The following C3orf22 variants were observed in gnomAD, a reference collection of about 807,000 sequenced individuals.
C3orf22 encodes the protein chromosome 3 open reading frame 22.
In C3orf22, 7 loss-of-function variants were observed where a neutral mutation model predicts 10.8. The observed-to-expected ratio is 0.65, with a 90% confidence interval of 0.37 to 1.22. The LOEUF is 1.22. Ranked by LOEUF, C3orf22 falls within the 50% of genes most tolerant of loss-of-function variation. The probability of loss-of-function intolerance (pLI) is 0.02; values close to 1 mark genes in which losing one functional copy is unlikely to be tolerated. For synonymous variants in C3orf22, 79 were observed against 78.9 expected, an observed-to-expected ratio of 1.00 and a Z score of 0.00; for missense variants, 173 against 177.0, an observed-to-expected ratio of 0.98 and a Z score of 0.13.
downstream of C3orf22, among the ~76,000 whole-genome samples, chr3:126,548,929 G>A (rs970065848): frequency 6.6e-6 from 1 of 152,194 alleles, no homozygotes; most frequent in African/African-American, 2.4e-5. Flanking sequence ...GGAGAAGGCT[G>A]CAAAGTGTCC....
intron 5 of C3orf22, among the ~76,000 whole-genome samples, chr3:126,528,125 A>C (rs1328278392): frequency 6.6e-6 from 1 of 151,398 alleles, no homozygotes; most frequent in African/African-American, 2.4e-5. Context: ...TGGGGTGTGA[A>C]TGGATGTGCT....
At chr3:126,536,619 A>G (rs1576231696) in intron 4 of C3orf22, among the ~76,000 whole-genome samples, 2 of 152,180 alleles carry the variant, frequency 1.3e-5, no homozygotes, top group South Asian at 2.1e-4. Flanking sequence ...GATAAAAAAG[A>G]GTCAAAACAG....
At chr3:126,540,540 C>T (rs151288103) in intron 4 of C3orf22, among the ~76,000 whole-genome samples, 1 of 152,338 alleles carries the variant, frequency 6.6e-6, no homozygotes, top group Non-Finnish European at 1.5e-5. Context: ...TCCAGGTCAG[C>T]CCATGTGGCA....
chr3:126,527,739 TG>T (rs1206802158), exon 6 of C3orf22: 2 of 152,130 alleles, frequency 1.3e-5, no homozygotes, highest in African/African-American at 4.8e-5. Context: ...GGAGCCAAAT[TG>T]GTAGATGCTC....
rs1475978031 is a variant in C3orf22 at position 126,542,427 on chromosome 3, C to A, written c.286+7110G>T. On this transcript the variant is annotated intron_variant and NMD_transcript_variant, in intron 4 of 5. Transcript: ENST00000505070. ...TCCGACCTGAGCTTCCCTGGGCCGC[C>A]GCGGCCCCGGGGAGCCGCCGCCTCC... 55 of 1,554,228 alleles carry A rather than the reference C, an allele frequency of 3.5e-5. 1 individual carries two copies. The highest frequency in any genetic ancestry group is 4.7e-5 in the Non-Finnish European group (54 of 1,152,564).
chr3:126,542,606 G>C (rs1936992286), intron 4 of C3orf22: 2 of 1,445,786 alleles, frequency 1.4e-6, no homozygotes, highest in South Asian at 3.0e-5. Flanking sequence ...TGGCCACGCG[G>C]GGCAAGTGCC....
intron 3 of C3orf22, among the ~76,000 whole-genome samples, chr3:126,551,319 G>A (rs1937180833): frequency 6.6e-6 from 1 of 152,226 alleles, no homozygotes; most frequent in South Asian, 2.1e-4. Context: ...GCATTCAGGA[G>A]GCTAGGGGTC....
intron 4 of C3orf22, among the ~76,000 whole-genome samples, chr3:126,537,154 C>T (rs766342056): frequency 6.6e-5 from 10 of 152,140 alleles, no homozygotes; most frequent in Non-Finnish European, 1.5e-4. Context: ...CTGAGAGGAT[C>T]CTAGTTTAGA....
At chr3:126,543,864 T>C (rs528079707) in intron 4 of C3orf22, among the ~76,000 whole-genome samples, 8 of 152,260 alleles carry the variant, frequency 5.3e-5, no homozygotes, top group African/African-American at 1.7e-4. Context: ...CCAACTCCAG[T>C]GGACCTGGGA....
intron 1 of C3orf22, among the ~76,000 whole-genome samples, chr3:126,556,867 TACACAC>T (rs369889567): frequency 1.5e-5 from 2 of 131,044 alleles, no homozygotes; most frequent in East Asian, 2.3e-4. Flanking sequence ...CAGACTCACA[TACACAC>T]ACACACACAG....
downstream of C3orf22, among the ~76,000 whole-genome samples, chr3:126,545,959 T>C (rs1176173018): frequency 6.6e-6 from 1 of 152,180 alleles, no homozygotes; most frequent in Non-Finnish European, 1.5e-5. Context: ...CCATTCACTT[T>C]TCAAGTATCC....
intron 4 of C3orf22, among the ~76,000 whole-genome samples, chr3:126,532,031 C>T (rs578043247): frequency 1.1e-4 from 16 of 152,286 alleles, no homozygotes; most frequent in East Asian, 1.9e-4. Flanking sequence ...AGTGATGTTG[C>T]GCACCTTTTC....
At chr3:126,551,153 G>A (rs1350460035) in intron 3 of C3orf22, among the ~76,000 whole-genome samples, 1 of 152,206 alleles carries the variant, frequency 6.6e-6, no homozygotes, top group Non-Finnish European at 1.5e-5. Flanking sequence ...TATCTCTCCA[G>A]GTGTGTGTTC....
chr3:126,535,260 C>T (rs867854795), intron 4 of C3orf22, among the ~76,000 whole-genome samples: 46 of 103,956 alleles, frequency 4.4e-4, no homozygotes, highest in Middle Eastern at 5.7e-3. Context: ...GGGAGACAGA[C>T]AGACAGCATC....
chr3:126,533,812 C>G (rs1438749517), intron 4 of C3orf22, among the ~76,000 whole-genome samples: 1 of 152,146 alleles, frequency 6.6e-6, no homozygotes, highest in Non-Finnish European at 1.5e-5. Context: ...ATTCTTTAAA[C>G]ATTTAGTAAA....
In C3orf22 at chr3:126,552,027, AACCTCTTCTGCAGGGGCAGCTGC is replaced by A. The variant is rs1275038609; in HGVS notation, c.162_184del (p.Gln55GlyfsTer62). On this transcript the variant is annotated frameshift_variant, in exon 3 of 4. Transcript: ENST00000318225. LOFTEE classifies it low-confidence loss of function (END_TRUNC). The stretch of plus-strand genomic sequence containing the variant: ...GACTGGGATGGACCTCGTTGGCACC[AACCTCTTCTGCAGGGGCAGCTGC>A]ACCGTGTTCGAGTCGTTTGTGACCT... 1 of 1,613,572 alleles carries A rather than the reference AACCTCTTCTGCAGGGGCAGCTGC, an allele frequency of 6.2e-7. No homozygotes were observed. The highest frequency in any genetic ancestry group is 1.7e-5 in the Admixed American group (1 of 59,914).
intron 4 of C3orf22, chr3:126,541,662 G>C: frequency 7.5e-7 from 1 of 1,335,752 alleles, no homozygotes; most frequent in African/African-American, 1.6e-5. Flanking sequence ...CATCCCGCCG[G>C]GGCAGCGCCA....
Position 126,552,697 on chromosome 3 carries a change from C to T in C3orf22, c.90-575G>A, listed in dbSNP as rs369062094. Among the ~76,000 whole-genome samples, 44 of 152,304 alleles carry T rather than the reference C, an allele frequency of 2.9e-4. No homozygotes were observed. The East Asian group carries it at 8.5e-3, about 29-fold the overall frequency. On this transcript the variant is annotated intron_variant, in intron 2 of 3. Transcript: ENST00000318225. ...TCCAGGGCCACTGCTGGGCGCACAA[C>T]ACTTGCTTCTGGGGTGGGGGGTGAG...
At chr3:126,552,204 C>T in intron 2 of C3orf22, 82 bp from the exon 3 acceptor site, 3 of 1,594,356 alleles carry the variant, frequency 1.9e-6, no homozygotes, top group East Asian at 4.5e-5. Flanking sequence ...AACTTTCCAT[C>T]TGCTAGGCAC....
Sources: gnomAD v4.1 joint callset for allele counts (sites outside exome capture counted in the v4.1 genomes callset) on GRCh38, gnomAD v4.1.1 for gene constraint, MANE v1.5 for transcripts, NCBI Gene and HGNC (gene_info 2026-07-23, HGNC 2026-07-21) for gene names.